Variants in NKAIN2 observed in about 807,000 individuals in gnomAD.
The protein encoded by NKAIN2 is sodium/potassium transporting ATPase interacting 2.
In NKAIN2, 14 loss-of-function variants were observed where a neutral mutation model predicts 32.6. The ratio of observed to expected loss-of-function variants is 0.43; its 90% CI spans 0.28 to 0.67. NKAIN2 has a LOEUF of 0.67. Ranked by LOEUF, NKAIN2 falls within the 30% of genes least tolerant of loss-of-function variation. The probability of loss-of-function intolerance (pLI) is 0.17; values close to 1 mark genes in which losing one functional copy is unlikely to be tolerated. For missense variants in NKAIN2, 198 were observed against 258.3 expected, an observed-to-expected ratio of 0.77 and a Z score of 1.60; for synonymous variants, 80 against 87.2, an observed-to-expected ratio of 0.92 and a Z score of 0.46.
At chr6:124,290,901 A>G (rs746420547) in intron 2 of NKAIN2, among the ~76,000 whole-genome samples, 4 of 151,744 alleles carry the variant, frequency 2.6e-5, no homozygotes, top group African/African-American at 9.7e-5. Flanking sequence ...TTCCCTGGAG[A>G]TTTCTCTTAG....
intron 3 of NKAIN2, among the ~76,000 whole-genome samples, chr6:124,596,130 T>C (rs2114970760): frequency 6.6e-6 from 1 of 152,302 alleles, no homozygotes; most frequent in African/African-American, 2.4e-5. Flanking sequence ...CACTGATGCC[T>C]TGGTCTTCAT....
At chr6:124,447,247 A>G (rs746562809) in intron 3 of NKAIN2, among the ~76,000 whole-genome samples, 1 of 152,056 alleles carries the variant, frequency 6.6e-6, no homozygotes, top group African/African-American at 2.4e-5. Context: ...GTTTACTAGC[A>G]TATATATCCT....
At chr6:124,348,892 C>T (rs1335827845) in intron 2 of NKAIN2, among the ~76,000 whole-genome samples, 1 of 152,140 alleles carries the variant, frequency 6.6e-6, no homozygotes, top group African/African-American at 2.4e-5. Flanking sequence ...TCACTCCCAC[C>T]CCAATACTGT....
intron 3 of NKAIN2, among the ~76,000 whole-genome samples, chr6:124,654,336 A>G (rs1019935247): frequency 1.3e-5 from 2 of 152,106 alleles, no homozygotes; most frequent in Non-Finnish European, 2.9e-5. Context: ...TAATATAGAA[A>G]GCATATAAAT....
chr6:124,362,261 A>G (rs965131861), intron 3 of NKAIN2, among the ~76,000 whole-genome samples: 1 of 152,116 alleles, frequency 6.6e-6, no homozygotes, highest in African/African-American at 2.4e-5. Context: ...TTATTTCCCA[A>G]CTATCAAAGC....
chr6:124,360,477 T>C (rs1799235308), intron 3 of NKAIN2, among the ~76,000 whole-genome samples: 1 of 152,170 alleles, frequency 6.6e-6, no homozygotes, highest in Non-Finnish European at 1.5e-5. Flanking sequence ...CTTTTGATCA[T>C]GTTTTCTTTG....
At chr6:124,041,979 A>C (rs1345375891) in intron 1 of NKAIN2, among the ~76,000 whole-genome samples, 2 of 152,108 alleles carry the variant, frequency 1.3e-5, no homozygotes, top group African/African-American at 4.8e-5. Flanking sequence ...GGACAAACTG[A>C]TATAGTGTTT....
At chr6:123,928,157 A>G (rs1263340835) in intron 1 of NKAIN2, among the ~76,000 whole-genome samples, 2 of 152,194 alleles carry the variant, frequency 1.3e-5, no homozygotes, top group African/African-American at 2.4e-5. Context: ...GAAACAAAAA[A>G]CCAAATACTG....
intron 3 of NKAIN2, among the ~76,000 whole-genome samples, chr6:124,595,193 A>T (rs947115964): frequency 6.6e-6 from 1 of 152,198 alleles, no homozygotes; most frequent in Non-Finnish European, 1.5e-5. Flanking sequence ...ACTCCGTAAG[A>T]ATCTTCTCAC....
intron 5 of NKAIN2, among the ~76,000 whole-genome samples, chr6:124,792,495 A>G (rs754915487): frequency 5.9e-5 from 9 of 152,194 alleles, no homozygotes; most frequent in Non-Finnish European, 1.0e-4. Context: ...TCAGTATTTC[A>G]AGTGCTGTGT....
chr6:124,357,723 C>T (rs534727480), intron 3 of NKAIN2, among the ~76,000 whole-genome samples: 34 of 152,062 alleles, frequency 2.2e-4, no homozygotes, highest in Admixed American at 3.9e-4. Context: ...GGTAATAAAA[C>T]GTGATAAAAC....
chr6:124,567,464 C>T (rs1449036224), intron 3 of NKAIN2, among the ~76,000 whole-genome samples: 1 of 152,226 alleles, frequency 6.6e-6, no homozygotes, highest in Non-Finnish European at 1.5e-5. Context: ...TTGTATTTAG[C>T]AGCTCTCCGT....
At chr6:124,485,794 T>C (rs1024141688) in intron 3 of NKAIN2, among the ~76,000 whole-genome samples, 11 of 152,164 alleles carry the variant, frequency 7.2e-5, no homozygotes, top group African/African-American at 2.7e-4. Flanking sequence ...GTCATTTAGG[T>C]AGGACTGTAA....
chr6:124,592,627 A>G (rs1214960733), intron 3 of NKAIN2, among the ~76,000 whole-genome samples: 1 of 152,210 alleles, frequency 6.6e-6, no homozygotes, highest in Non-Finnish European at 1.5e-5. Flanking sequence ...TCCAAAGTGA[A>G]TAACTGTAGA....
At chr6:124,516,489 T>C (rs78056941) in intron 3 of NKAIN2, among the ~76,000 whole-genome samples, 1,971 of 152,290 alleles carry the variant, frequency 0.013, 40 homozygotes, top group African/African-American at 0.044. Flanking sequence ...GTGTTTTTAG[T>C]TAATTAATTT....
intron 1 of NKAIN2, among the ~76,000 whole-genome samples, chr6:123,943,359 T>C (rs1178822041): frequency 6.6e-6 from 1 of 152,032 alleles, no homozygotes; most frequent in Non-Finnish European, 1.5e-5. Context: ...TTTCAAAACA[T>C]TTTCTTGTGA....
Position 124,627,407 on chromosome 6 carries a change from T to C in NKAIN2, c.274-30779T>C, listed in dbSNP as rs572496816. ...CAAATAATTAAAATTTGGAAATTAC[T>C]GGTCCTGGGGAAATACCATAAGCTT... On this transcript the variant is annotated intron_variant, in intron 3 of 6. Transcript: ENST00000368417. Among the ~76,000 whole-genome samples, 231 of 152,314 alleles carry C rather than the reference T, an allele frequency of 1.5e-3. 1 individual carries two copies. The highest frequency in any genetic ancestry group is 5.2e-3 in the African/African-American group (217 of 41,564).
intron 3 of NKAIN2, among the ~76,000 whole-genome samples, chr6:124,609,747 T>A (rs1782624807): frequency 6.6e-6 from 1 of 152,052 alleles, no homozygotes; most frequent in Non-Finnish European, 1.5e-5. Flanking sequence ...GGAAATTCTG[T>A]TCTTTTTCTT....
At chr6:124,057,637 C>CTT (rs78163886) in intron 1 of NKAIN2, among the ~76,000 whole-genome samples, 2 of 143,136 alleles carry the variant, frequency 1.4e-5, no homozygotes, top group African/African-American at 2.6e-5. Flanking sequence ...ATGCCCTCCT[C>CTT]TTTTTTTTTT....
Sources: allele counts gnomAD v4.1 joint callset (sites outside exome capture counted in the v4.1 genomes callset), GRCh38; gene constraint gnomAD v4.1.1; transcripts MANE v1.5; gene names NCBI Gene and HGNC (gene_info 2026-07-23, HGNC 2026-07-21).